RASGRP3: variants seen among roughly 807,000 people sequenced by gnomAD.
The protein encoded by RASGRP3 is RAS guanyl releasing protein 3.
Under a neutral mutation model 82.7 loss-of-function variants are expected in RASGRP3, and 54 were observed. The ratio of observed to expected loss-of-function variants is 0.65; its 90% CI spans 0.52 to 0.82. The LOEUF (loss-of-function observed/expected upper bound fraction) is 0.82, where lower values mean the gene tolerates loss of function less well. Ranked by LOEUF, RASGRP3 falls within the 40% of genes least tolerant of loss-of-function variation. The probability of loss-of-function intolerance (pLI) is 0.00; values close to 1 mark genes in which losing one functional copy is unlikely to be tolerated. For synonymous variants in RASGRP3, 309 were observed against 300.5 expected, an observed-to-expected ratio of 1.03 and a Z score of -0.29; for missense variants, 861 against 828.9, an observed-to-expected ratio of 1.04 and a Z score of -0.48.
chr2:33,437,734 A>G (rs752760440), intron 1 of RASGRP3, among the ~76,000 whole-genome samples: 23 of 152,166 alleles, frequency 1.5e-4, no homozygotes, highest in Non-Finnish European at 3.2e-4. Flanking sequence ...GTTATTTTTT[A>G]CTGATTAGAA....
chr2:33,486,901 G>A (rs762406280), intron 1 of RASGRP3, among the ~76,000 whole-genome samples: 41 of 152,108 alleles, frequency 2.7e-4, no homozygotes, highest in African/African-American at 9.2e-4. Flanking sequence ...TAACAGTAGT[G>A]TTTGCCCTTC....
rs1677006664 is a variant in RASGRP3, at chr2:33,564,246, C to T, written c.*1509C>T. ...CATGGGCATTAAGGCAAAGTAGTTC[C>T]AGTGATTTAAAATACGGTTCCAAAT... is the stretch of plus-strand genomic sequence containing the variant. On this transcript the variant is annotated 3_prime_UTR_variant, in exon 18 of 18. Transcript: ENST00000403687. The T allele has an allele frequency of 1.3e-5, 2 of 152,142 alleles. No homozygotes were observed. The highest frequency in any genetic ancestry group is 2.9e-5 in the Non-Finnish European group (2 of 68,038). 9.4% of individuals were successfully genotyped at this position (152,142 alleles called of 1,614,324 possible).
chr2:33,556,190 G>A (rs10495793), intron 15 of RASGRP3, among the ~76,000 whole-genome samples: 50,160 of 148,084 alleles, frequency 0.34, 9,785 homozygotes, highest in Middle Eastern at 0.53. Flanking sequence ...AGAAGTTGCT[G>A]GACACTTTAT....
At chr2:33,555,178 G>C (rs1236420149) in intron 14 of RASGRP3, 1 of 186,340 alleles carries the variant, frequency 5.4e-6, no homozygotes, top group Non-Finnish European at 1.1e-5. Flanking sequence ...AGAGCAGCTA[G>C]TGTCATTAAA....
At chr2:33,445,471 T>C (rs1665450999) in intron 1 of RASGRP3, among the ~76,000 whole-genome samples, 1 of 152,192 alleles carries the variant, frequency 6.6e-6, no homozygotes, top group East Asian at 1.9e-4. Context: ...TACAAATTGG[T>C]AATGGTCCAA....
Position 33,469,575 on chromosome 2 carries a change from T to G in RASGRP3, c.-261+21632T>G, listed in dbSNP as rs573671649. Among the ~76,000 whole-genome samples the G allele has an allele frequency of 7.4e-4, 113 of 152,008 alleles. 1 individual carries two copies. The highest frequency in any genetic ancestry group is 1.0e-3 in the Non-Finnish European group (69 of 67,960). ...CCTGGGCTCAAGTGATTCTCCTGCC[T>G]CAGCCTCCCTAGTAGCTGAGACTAC... On this transcript the variant is annotated intron_variant, in intron 2 of 18. Coordinates refer to the RASGRP3 transcript ENST00000402538.
intron 1 of RASGRP3, among the ~76,000 whole-genome samples, chr2:33,498,357 A>C (rs1413968350): frequency 6.6e-6 from 1 of 152,252 alleles, no homozygotes; most frequent in Non-Finnish European, 1.5e-5. Flanking sequence ...AGAAAGTTCA[A>C]GAGTTGAATT....
At chr2:33,507,560 A>C (rs775812501) in intron 1 of RASGRP3, among the ~76,000 whole-genome samples, 1 of 152,226 alleles carries the variant, frequency 6.6e-6, no homozygotes, top group South Asian at 2.1e-4. Flanking sequence ...GAGTCTCTCT[A>C]TGTTGCCCAG....
intron 17 of RASGRP3, 55 bp downstream of exon 17, chr2:33,559,085 G>C (rs562181644): frequency 3.5e-6 from 5 of 1,430,268 alleles, no homozygotes; most frequent in African/African-American, 1.4e-5. Context: ...TGAAAGTGCT[G>C]AGATGAGCGT....
At chr2:33,475,121 C>CA (rs1184498101), upstream of RASGRP3, among the ~76,000 whole-genome samples, 4 of 152,196 alleles carry the variant, frequency 2.6e-5, no homozygotes, top group Non-Finnish European at 5.9e-5. Context: ...AACACATAAA[C>CA]AAAAATGCCT....
chr2:33,555,668 A>G, intron 15 of RASGRP3, 101 bp downstream of exon 15: 1 of 1,091,260 alleles, frequency 9.2e-7, no homozygotes, highest in Non-Finnish European at 1.3e-6. Flanking sequence ...ATTATTCGGA[A>G]TTTCAGTCTT....
chr2:33,464,119 T>A (rs201756708), intron 2 of RASGRP3, among the ~76,000 whole-genome samples: 9,636 of 106,280 alleles, frequency 0.091, 421 homozygotes, highest in Middle Eastern at 0.14. Context: ...TAATTATTAT[T>A]ATTATTATTA....
chr2:33,482,779 G>C (rs1403664709), intron 1 of RASGRP3: 1 of 152,216 alleles, frequency 6.6e-6, no homozygotes, highest in African/African-American at 2.4e-5. Flanking sequence ...TGATTTTACA[G>C]TGCATATTGT....
At position 33,556,289 on chromosome 2, in the gene RASGRP3, G is replaced by A. The variant is rs1454306183; in HGVS notation, c.1579+722G>A. ...GGAGTCTCGCTCTGTCGCCCAGGCCGGACTGCGGACTGCAGTGGCGCAATC... is the reference window on the plus strand; with the variant it reads ...GGAGTCTCGCTCTGTCGCCCAGGCCAGACTGCGGACTGCAGTGGCGCAATC... On this transcript the variant is annotated intron_variant, in intron 15 of 17. Transcript: ENST00000403687. Among the ~76,000 whole-genome samples, 7 of 76,758 alleles carry A rather than the reference G, an allele frequency of 9.1e-5. 1 individual carries two copies. Among genetic ancestry groups the A allele is most frequent in the African/African-American group, 2.0e-4 (2 of 9,996 alleles). 50.4% of individuals were successfully genotyped at this position (76,758 alleles called of 152,430 possible). A position where few individuals can be genotyped will look rare whatever the true frequency, so the allele number is the denominator to read the frequency against.
At chr2:33,488,124 G>T (rs974979584) in intron 1 of RASGRP3, among the ~76,000 whole-genome samples, 6 of 152,190 alleles carry the variant, frequency 3.9e-5, no homozygotes, top group African/African-American at 1.4e-4. Flanking sequence ...ATGAAAGCAA[G>T]AAACTGAGAA....
rs371262109 is a variant in RASGRP3 at position 33,505,156 on chromosome 2, C to T, written c.-260-6554C>T. 4.1e-3 allele frequency among the ~76,000 whole-genome samples: 574 copies of T among 139,266 alleles called. 1 individual carries two copies. Among genetic ancestry groups the T allele is most frequent in the Non-Finnish European group, 7.5e-3 (460 of 61,312 alleles). The allele number at this position is 139,266 out of a possible 152,430, so 91.4% of individuals were successfully genotyped here. ...ATCACCATCATCATCATCATCATCA[C>T]CACCACCACCACCACCACCACCATT... is the stretch of plus-strand genomic sequence containing the variant. On this transcript the variant is annotated intron_variant, in intron 1 of 17. Coordinates refer to ENST00000403687, the MANE Select transcript of RASGRP3 (RefSeq NM_001139488.2).
chr2:33,489,592 A>G lies in RASGRP3; in HGVS notation c.-261+12885A>G, dbSNP rs1309320362. ...TTTTATTTTTTATTTTTTTGGCAAG[A>G]TCTGGCTCTATTGCCCAGGCTGGAG... is the stretch of plus-strand genomic sequence containing the variant. On this transcript the variant is annotated intron_variant, in intron 1 of 17. Coordinates refer to ENST00000403687, the MANE Select transcript of RASGRP3 (RefSeq NM_001139488.2). 2.6e-5 allele frequency among the ~76,000 whole-genome samples: 4 copies of G among 152,212 alleles called. No homozygotes were observed. In the South Asian group the frequency reaches 6.2e-4, roughly 24 times the overall value.
In RASGRP3 at chr2:33,561,614, A is replaced by AT. The variant is rs112177877; in HGVS notation, c.2065-1103dup. Among the ~76,000 whole-genome samples, 216 of 147,070 alleles carry AT rather than the reference A, an allele frequency of 1.5e-3. 2 individuals carry two copies. Among genetic ancestry groups the AT allele is most frequent in the South Asian group, 4.7e-3 (22 of 4,656 alleles). On this transcript the variant is annotated intron_variant, in intron 17 of 17. Coordinates refer to ENST00000403687, the MANE Select transcript of RASGRP3 (RefSeq NM_001139488.2). ...AGACAAAGGAGTTTGCAAATTTAAG[A>AT]TTTTTTTTTTTTCTGCCAGGCAAGA...
intron 2 of RASGRP3, among the ~76,000 whole-genome samples, chr2:33,453,694 A>G (rs1390454905): frequency 6.6e-6 from 1 of 152,226 alleles, no homozygotes; most frequent in Non-Finnish European, 1.5e-5. Flanking sequence ...CTGATTCAGC[A>G]TGAGCAAGGA....
Sources: gnomAD v4.1 joint callset for allele counts (sites outside exome capture counted in the v4.1 genomes callset) on GRCh38, gnomAD v4.1.1 for gene constraint, MANE v1.5 for transcripts, NCBI Gene and HGNC (gene_info 2026-07-23, HGNC 2026-07-21) for gene names.